Variants in HMGCLL1 observed in about 807,000 individuals in gnomAD.
HMGCLL1 encodes 3-hydroxymethyl-3-methylglutaryl-CoA lyase, cytoplasmic.
In HMGCLL1, 36 loss-of-function variants were observed where a neutral mutation model predicts 39.1. The observed-to-expected ratio is 0.92, with a 90% CI of 0.71 to 1.22. The LOEUF (loss-of-function observed/expected upper bound fraction) is 1.22, where lower values mean the gene tolerates loss of function less well. Among genes scored for constraint, HMGCLL1 ranks in the 50% most tolerant of loss-of-function variants. HMGCLL1 has a pLI of 0.00. For missense variants in HMGCLL1, 451 were observed against 416.5 expected (o/e 1.08, Z -0.72); for synonymous variants, 149 against 144.0 (o/e 1.03, Z -0.25).
intron 7 of HMGCLL1, among the ~76,000 whole-genome samples, chr6:55,475,742 T>C (rs935751865): frequency 6.6e-5 from 10 of 151,684 alleles, no homozygotes; most frequent in African/African-American, 2.4e-4. Context: ...ATTACTCTCA[T>C]GTTATTTACT....
intron 7 of HMGCLL1, among the ~76,000 whole-genome samples, chr6:55,463,948 T>C (rs1482019263): frequency 6.6e-6 from 1 of 152,190 alleles, no homozygotes; most frequent in African/African-American, 2.4e-5. Context: ...CAGGTAGAAG[T>C]CCAGAAACCA....
intron 7 of HMGCLL1, among the ~76,000 whole-genome samples, chr6:55,450,811 G>T (rs1764048017): frequency 6.6e-6 from 1 of 152,140 alleles, no homozygotes; most frequent in Non-Finnish European, 1.5e-5. Context: ...CAGAAACAAG[G>T]AGGTGAGCCA....
chr6:55,506,558 A>C (rs900967567), intron 5 of HMGCLL1, among the ~76,000 whole-genome samples: 2 of 151,640 alleles, frequency 1.3e-5, no homozygotes, highest in Non-Finnish European at 3.0e-5. Context: ...ATTGTGGGCC[A>C]CTCTGAATAA....
the HMGCLL1 span, among the ~76,000 whole-genome samples, chr6:55,613,053 T>G: frequency 6.6e-6 from 1 of 152,268 alleles, no homozygotes. Flanking sequence ...TCTACCCATC[T>G]AACAAAGGTA....
chr6:55,445,144 T>G (rs911940997), intron 7 of HMGCLL1, among the ~76,000 whole-genome samples: 17 of 152,028 alleles, frequency 1.1e-4, no homozygotes, highest in African/African-American at 3.9e-4. Context: ...TTTAAAAAAA[T>G]CACAGTACTT....
At chr6:55,654,318 TTA>T in the HMGCLL1 span, among the ~76,000 whole-genome samples, 6 of 150,610 alleles carry the variant, frequency 4.0e-5, no homozygotes, top group Admixed American at 4.0e-4. Flanking sequence ...CTTATAAAAA[TTA>T]TATATTATAT....
chr6:55,509,393 T>C (rs1348154076), intron 5 of HMGCLL1, among the ~76,000 whole-genome samples: 5 of 151,786 alleles, frequency 3.3e-5, no homozygotes, highest in Non-Finnish European at 7.4e-5. Flanking sequence ...GAGCCCTAAA[T>C]AAGGAGACTC....
chr6:55,444,570 A>G (rs1248353624), intron 7 of HMGCLL1, among the ~76,000 whole-genome samples: 1 of 152,050 alleles, frequency 6.6e-6, no homozygotes. Flanking sequence ...ATAACAGTAC[A>G]TAGAGTCATG....
chr6:55,643,268 A>G, the HMGCLL1 span, among the ~76,000 whole-genome samples: 1 of 152,054 alleles, frequency 6.6e-6, no homozygotes, highest in East Asian at 1.9e-4. Flanking sequence ...ATAGTGTGTA[A>G]GTGTCCCCTT....
chr6:55,650,952 G>A, the HMGCLL1 span, among the ~76,000 whole-genome samples: 1 of 152,042 alleles, frequency 6.6e-6, no homozygotes, highest in Non-Finnish European at 1.5e-5. Flanking sequence ...CTCCCAACTG[G>A]CCCAGGGTAG....
At chr6:55,507,478 C>T (rs1429489884) in intron 5 of HMGCLL1, among the ~76,000 whole-genome samples, 1 of 137,082 alleles carries the variant, frequency 7.3e-6, no homozygotes, top group Non-Finnish European at 1.6e-5. Flanking sequence ...GGGCTGGACA[C>T]TTCAGGTAAT....
At chr6:55,509,772 T>G (rs1439273072) in intron 5 of HMGCLL1, among the ~76,000 whole-genome samples, 1 of 151,914 alleles carries the variant, frequency 6.6e-6, no homozygotes, top group Non-Finnish European at 1.5e-5. Context: ...CACGATTGTA[T>G]GTAATGCAAT....
chr6:55,577,062 G>T, intron 1 of HMGCLL1: 1 of 1,613,116 alleles, frequency 6.2e-7, no homozygotes, highest in Non-Finnish European at 8.5e-7. Flanking sequence ...TAGTGATGGG[G>T]CATCTGGATA....
chr6:55,483,916 C>A (rs1245961786), intron 7 of HMGCLL1, among the ~76,000 whole-genome samples: 1 of 152,072 alleles, frequency 6.6e-6, no homozygotes. Context: ...CAGAGACAGA[C>A]ACAATTTAAG....
intron 1 of HMGCLL1, among the ~76,000 whole-genome samples, chr6:55,545,019 T>C (rs1769880472): frequency 6.6e-6 from 1 of 151,932 alleles, no homozygotes. Context: ...GTGAAGTAAA[T>C]AAGAAAAGCT....
At chr6:55,499,349 T>C in intron 5 of HMGCLL1, 50 bp from the exon 6 acceptor site, 1 of 1,346,000 alleles carries the variant, frequency 7.4e-7, no homozygotes, top group Non-Finnish European at 1.0e-6. Flanking sequence ...AATAAGCCAT[T>C]TCCATTTTAT....
rs548422513 is a variant in HMGCLL1 at position 55,515,923 on chromosome 6, C to G, written c.393+585G>C. Among the ~76,000 whole-genome samples, 3 of 152,002 alleles carry G rather than the reference C, an allele frequency of 2.0e-5. No homozygotes were observed. In the South Asian group the frequency reaches 6.2e-4, roughly 32 times the overall value. On this transcript the variant is annotated intron_variant, in intron 4 of 8. Transcript: ENST00000274901. ...TGCTGCAAAACCTATGCAATAAGCC[C>G]ATATACGGATAACACCTTAAAATTG...
chr6:55,488,256 C>T (rs1766143918), intron 7 of HMGCLL1, among the ~76,000 whole-genome samples: 1 of 151,956 alleles, frequency 6.6e-6, no homozygotes, highest in Non-Finnish European at 1.5e-5. Flanking sequence ...CCTGAAAAGT[C>T]TTTAGTAGAT....
intron 3 of HMGCLL1, among the ~76,000 whole-genome samples, chr6:55,532,161 C>T (rs1384990609): frequency 6.6e-6 from 1 of 151,984 alleles, no homozygotes; most frequent in Non-Finnish European, 1.5e-5. Flanking sequence ...GAAAACCCAA[C>T]TTGTTAGTCA....
Sources: gnomAD v4.1 joint callset for allele counts (sites outside exome capture counted in the v4.1 genomes callset) on GRCh38, gnomAD v4.1.1 for gene constraint, MANE v1.5 for transcripts, NCBI Gene and HGNC (gene_info 2026-07-23, HGNC 2026-07-21) for gene names.